SCAF4: variants seen among roughly 807,000 people sequenced by gnomAD.
SCAF4 encodes the protein SR-related CTD associated factor 4, also known as SR-related and CTD-associated factor 4.
Under a neutral mutation model 129.8 loss-of-function variants are expected in SCAF4, and 25 were observed. The ratio of observed to expected loss-of-function variants is 0.19; its 90% CI spans 0.14 to 0.27. SCAF4 has a LOEUF of 0.27. Ranked by LOEUF, SCAF4 falls within the 10% of genes least tolerant of loss-of-function variation. SCAF4 has a pLI of 1.00. For missense variants in SCAF4, 1,246 were observed against 1,457.1 expected (o/e 0.86, Z 2.36); for synonymous variants, 551 against 497.7 (o/e 1.11, Z -1.43).
chr21:31,714,293 A>G (rs2050874710), intron 1 of SCAF4, among the ~76,000 whole-genome samples: 1 of 152,172 alleles, frequency 6.6e-6, no homozygotes, highest in African/African-American at 2.4e-5. Context: ...TTATCTGTGA[A>G]TGAATAAAAA....
chr21:31,731,589 C>A, intron 1 of SCAF4, 74 bp downstream of exon 1: 2 of 1,533,114 alleles, frequency 1.3e-6, no homozygotes, highest in South Asian at 2.3e-5. Flanking sequence ...AAGCTTTAAA[C>A]CTCCGGCGGC....
intron 19 of SCAF4, among the ~76,000 whole-genome samples, chr21:31,677,209 C>T (rs2049880310): frequency 6.6e-6 from 1 of 152,118 alleles, no homozygotes; most frequent in African/African-American, 2.4e-5. Context: ...TGTCCGTGCT[C>T]CAATGGTTAC....
chr21:31,687,052 T>C (rs2050143143), intron 16 of SCAF4, among the ~76,000 whole-genome samples: 1 of 152,194 alleles, frequency 6.6e-6, no homozygotes, highest in African/African-American at 2.4e-5. Context: ...GTTTGCCAAC[T>C]AGGGGAGTCC....
At chr21:31,694,673 C>A (rs1262804521) in intron 10 of SCAF4, 140 bp downstream of exon 10, 4 of 796,512 alleles carry the variant, frequency 5.0e-6, no homozygotes, top group Non-Finnish European at 6.0e-6. Context: ...AGATGAAAAA[C>A]CTGGAGCACT....
chr21:31,726,609 G>C (rs966949074), intron 1 of SCAF4, among the ~76,000 whole-genome samples: 3 of 152,206 alleles, frequency 2.0e-5, no homozygotes, highest in Non-Finnish European at 4.4e-5. Context: ...AGGTTGCAAT[G>C]GGTGGAGTTT....
intron 7 of SCAF4, among the ~76,000 whole-genome samples, chr21:31,697,052 A>G (rs1416603811): frequency 6.6e-6 from 1 of 152,180 alleles, no homozygotes; most frequent in Non-Finnish European, 1.5e-5. Flanking sequence ...TTTTTCTAAA[A>G]TACTCATTTC....
chr21:31,688,367 T>C lies in SCAF4; in HGVS notation c.1983A>G (p.Pro661=), dbSNP rs116452080. 228 of 1,613,506 alleles carry C rather than the reference T, an allele frequency of 1.4e-4. No homozygotes were observed. In the African/African-American group the frequency reaches 2.6e-3, roughly 19 times the overall value. Residue 661 remains proline, a synonymous_variant, in exon 16 of 20, where the codon CCA becomes CCG. Transcript: ENST00000286835. ...HTEPVSPIPK[P]LPVPVPPIPV... is the part of the protein sequence containing the mutation. ...GAATAGGAGGGACAGGCACAGGTAA[T>C]GGTTTAGGTATGGGTGATACTGGTT...
intron 1 of SCAF4, among the ~76,000 whole-genome samples, chr21:31,728,192 T>C (rs1012674586): frequency 6.6e-6 from 1 of 152,172 alleles, no homozygotes; most frequent in Non-Finnish European, 1.5e-5. Flanking sequence ...TCTAAAAGAC[T>C]AGGGATTCAA....
At chr21:31,713,751 T>C (rs1275464760) in intron 1 of SCAF4, among the ~76,000 whole-genome samples, 1 of 33,810 alleles carries the variant, frequency 3.0e-5, no homozygotes, top group Non-Finnish European at 6.0e-5. Flanking sequence ...GGAGCGGGGG[T>C]GGGGTGGGGG....
At chr21:31,716,798 CTTT>C (rs1190553053) in intron 1 of SCAF4, among the ~76,000 whole-genome samples, 2 of 152,042 alleles carry the variant, frequency 1.3e-5, no homozygotes, top group African/African-American at 4.8e-5. Context: ...TGGGTTAATA[CTTT>C]TTTAATATCA....
At chr21:31,687,353 T>C (rs147649308) in intron 16 of SCAF4, among the ~76,000 whole-genome samples, 5 of 152,130 alleles carry the variant, frequency 3.3e-5, no homozygotes, top group African/African-American at 9.6e-5. Context: ...CTCTAACACA[T>C]GAGGAATGCC....
In SCAF4 at chr21:31,732,057, T is replaced by G; in HGVS notation, c.-365A>C. 2.4e-6 allele frequency: 1 copy of G among 422,656 alleles called. No homozygotes were observed. The highest frequency in any genetic ancestry group is 4.1e-6 in the Non-Finnish European group (1 of 242,244). The allele number at this position is 422,656 out of a possible 1,614,324, so 26.2% of individuals were successfully genotyped here. A position where few individuals can be genotyped will look rare whatever the true frequency, so the allele number is the denominator to read the frequency against. ...CCCGGCCGGCGAGCGGGCGGGCCTC[T>G]CTCTCCCTCTCTCCAGCGGGATGGC... On this transcript the variant is annotated 5_prime_UTR_variant, in exon 1 of 20. Coordinates refer to ENST00000286835, the MANE Select transcript of SCAF4 (RefSeq NM_020706.2).
intron 3 of SCAF4, among the ~76,000 whole-genome samples, chr21:31,704,972 TC>T (rs2050622222): frequency 2.0e-5 from 3 of 152,220 alleles, no homozygotes; most frequent in Non-Finnish European, 4.4e-5. Context: ...GTCTCTGTTT[TC>T]TATTTTCTAC....
In SCAF4 at chr21:31,700,827, C is replaced by A. The variant is rs1403555193; in HGVS notation, c.777+168G>T. 12 of 771,370 alleles carry A rather than the reference C, an allele frequency of 1.6e-5. No individual in the cohort carries two copies. In the East Asian group the frequency reaches 3.5e-4, roughly 23 times the overall value. The allele number at this position is 771,370 out of a possible 1,614,324, so 47.8% of individuals were successfully genotyped here. On this transcript the variant is annotated intron_variant, in intron 7 of 19. Transcript: ENST00000286835. ...AAATTTTTGCACTGAGCACATATCA[C>A]ATTTAAAACCAGGGAAAATAATCGA...
At chr21:31,688,180 G>T in intron 16 of SCAF4, 127 bp downstream of exon 16, 24 of 230,736 alleles carry the variant, frequency 1.0e-4, no homozygotes, top group Non-Finnish European at 1.4e-4. Flanking sequence ...GATAAAACAT[G>T]AAAAATGTAA....
intron 17 of SCAF4, 31 bp from the exon 18 acceptor site, chr21:31,685,515 C>T: frequency 6.2e-7 from 1 of 1,613,074 alleles, no homozygotes; most frequent in Non-Finnish European, 8.5e-7. Flanking sequence ...TCAACTTATG[C>T]TGTATCACTC....
intron 7 of SCAF4, 47 bp from the exon 8 acceptor site, chr21:31,696,797 A>C (rs1193861952): frequency 1.1e-5 from 16 of 1,488,006 alleles, no homozygotes; most frequent in Non-Finnish European, 1.8e-6. Context: ...AGACTGATTC[A>C]CTGCACAAAA....
Position 31,685,292 on chromosome 21 carries a change from C to A in SCAF4, c.2297-52G>T, listed in dbSNP as rs372180289. 6.3e-5 allele frequency: 95 copies of A among 1,504,442 alleles called. No individual in the cohort carries two copies. In the African/African-American group the frequency reaches 1.0e-3, roughly 16 times the overall value. The allele number at this position is 1,504,442 out of a possible 1,614,324, so 93.2% of individuals were successfully genotyped here. A position where few individuals can be genotyped will look rare whatever the true frequency, so the allele number is the denominator to read the frequency against. ...TGAAGCTGAATAATTAATTATCTCC[C>A]GGTCAACATTCTTATGCCATACTAT... is the stretch of plus-strand genomic sequence containing the variant. On this transcript the variant is annotated intron_variant, in intron 18 of 19. Coordinates refer to ENST00000286835, the MANE Select transcript of SCAF4 (RefSeq NM_020706.2).
At chr21:31,700,940 A>G (rs759975349) in intron 7 of SCAF4, 55 bp downstream of exon 7, 5 of 1,556,320 alleles carry the variant, frequency 3.2e-6, no homozygotes, top group East Asian at 2.2e-5. Context: ...GATAATTTCC[A>G]TAACTCAAGT....
Sources: allele counts gnomAD v4.1 joint callset (sites outside exome capture counted in the v4.1 genomes callset), GRCh38; gene constraint gnomAD v4.1.1; transcripts MANE v1.5; gene names NCBI Gene and HGNC (gene_info 2026-07-23, HGNC 2026-07-21).